Variants in RPTOR observed in about 807,000 individuals in gnomAD.
RPTOR encodes regulatory-associated protein of mTOR.
Under a neutral mutation model 169.9 loss-of-function variants are expected in RPTOR, and 21 were observed. That is an observed-to-expected ratio of 0.12 (90% CI 0.09 to 0.18). The LOEUF (loss-of-function observed/expected upper bound fraction) is 0.18. RPTOR is among the 10% of genes least tolerant of loss of function. The pLI is 1.00. For synonymous variants in RPTOR, 732 were observed against 753.2 expected (o/e 0.97, Z 0.46); for missense variants, 1,133 against 1,855.9 (o/e 0.61, Z 7.16).
Position 80,823,649 on chromosome 17 carries a change from A to T in RPTOR, c.1136+426A>T, listed in dbSNP as rs1241540175. On this transcript the variant is annotated intron_variant, in intron 9 of 33. Transcript: ENST00000306801. This position sits in a 1 kb window ranked among gnomAD's most constrained non-coding sequence, Gnocchi z 4.5. ...GTTTTTATGCTTATTTCTCACACAC[A>T]CACACACACACACACACACACACAC... 106 of 107,624 alleles carry T rather than the reference A, an allele frequency of 9.8e-4. No individual in the cohort carries two copies. Among genetic ancestry groups the T allele is most frequent in the African/African-American group, 3.9e-3 (97 of 24,954 alleles). 6.7% of individuals were successfully genotyped at this position (107,624 alleles called of 1,614,324 possible).
chr17:80,752,835 A>T (rs1206844969), intron 5 of RPTOR, among the ~76,000 whole-genome samples: 2 of 152,236 alleles, frequency 1.3e-5, no homozygotes, highest in African/African-American at 2.4e-5. Context: ...TTTAAAAAGA[A>T]GGAAGAGTTA....
At position 80,845,895 on chromosome 17, in the gene RPTOR, G is replaced by C. The variant is rs889104262; in HGVS notation, c.1213-578G>C. 6.6e-6 allele frequency among the ~76,000 whole-genome samples: 1 copy of C among 152,282 alleles called. No individual in the cohort carries two copies. Among genetic ancestry groups the C allele is most frequent in the East Asian group, 1.9e-4 (1 of 5,168 alleles). Reference sequence around the variant, plus strand: ...GGTGCTGGTTTGTGGCTCTGCCCTGGACGTTGCTCCCTGGCGTCCAGACCT... The same window carrying C: ...GGTGCTGGTTTGTGGCTCTGCCCTGCACGTTGCTCCCTGGCGTCCAGACCT... On this transcript the variant is annotated intron_variant, in intron 10 of 33. Transcript: ENST00000306801. This position sits in a 1 kb window ranked among gnomAD's most constrained non-coding sequence, Gnocchi z 5.4.
At chr17:80,929,928 T>C (rs759077209) in intron 24 of RPTOR, among the ~76,000 whole-genome samples, 6 of 152,146 alleles carry the variant, frequency 3.9e-5, no homozygotes, top group Non-Finnish European at 8.8e-5. Context: ...ATTCTTTATA[T>C]AAACCTGCAG....
chr17:80,573,264 G>A (rs1370349651), intron 1 of RPTOR, among the ~76,000 whole-genome samples: 1 of 152,128 alleles, frequency 6.6e-6, no homozygotes, highest in African/African-American at 2.4e-5. Context: ...CTTCATATAG[G>A]TTTAACAATT....
At chr17:80,925,584 A>C in intron 24 of RPTOR, 104 bp downstream of exon 24, 1 of 908,190 alleles carries the variant, frequency 1.1e-6, no homozygotes, top group Non-Finnish European at 1.8e-6. Flanking sequence ...GGAGCGTCCC[A>C]TTGTGGTCGT....
intron 28 of RPTOR, among the ~76,000 whole-genome samples, chr17:80,951,111 C>A (rs1233575143): frequency 6.6e-6 from 1 of 151,564 alleles, no homozygotes; most frequent in African/African-American, 2.4e-5. Flanking sequence ...TCCCTGAGAC[C>A]CCCCGGAAGC....
Position 80,860,319 on chromosome 17 carries a change from C to T in RPTOR, c.1509+2419C>T, listed in dbSNP as rs2067903791. 6.6e-6 allele frequency among the ~76,000 whole-genome samples: 1 copy of T among 152,216 alleles called. No homozygotes were observed. Among genetic ancestry groups the T allele is most frequent in the Non-Finnish European group, 1.5e-5 (1 of 68,022 alleles). On this transcript the variant is annotated intron_variant, in intron 13 of 33. Transcript: ENST00000306801. This position sits in a 1 kb window ranked among gnomAD's most constrained non-coding sequence, Gnocchi z 5.8. Reference sequence around the variant, plus strand: ...CTGTTGTCCAGGCACTGGCAGGCACCCCGAGCCACAGGCTCGTACCCCGCA... The same window carrying T: ...CTGTTGTCCAGGCACTGGCAGGCACTCCGAGCCACAGGCTCGTACCCCGCA...
chr17:80,742,611 A>G (rs533638099), intron 5 of RPTOR, among the ~76,000 whole-genome samples: 4 of 151,866 alleles, frequency 2.6e-5, no homozygotes, highest in East Asian at 3.9e-4. Context: ...CATAGATGCC[A>G]CACACATACA....
At chr17:80,903,289 G>A (rs2068499795) in intron 20 of RPTOR, among the ~76,000 whole-genome samples, 1 of 152,236 alleles carries the variant, frequency 6.6e-6, no homozygotes, top group Admixed American at 6.5e-5. Flanking sequence ...GATTCTGCGG[G>A]AGAGCTGGTG....
chr17:80,940,678 C>G, intron 25 of RPTOR, 77 bp downstream of exon 25: 3 of 1,198,940 alleles, frequency 2.5e-6, no homozygotes, highest in Non-Finnish European at 3.6e-6. Context: ...GTGAGCAGGC[C>G]CCCCGCGGCC....
chr17:80,914,555 C>T (rs1480246870), intron 21 of RPTOR, among the ~76,000 whole-genome samples: 2 of 152,362 alleles, frequency 1.3e-5, no homozygotes, highest in African/African-American at 2.4e-5. Context: ...TGCTCCCGCT[C>T]CCTGGCCTCT....
In RPTOR at chr17:80,759,428, C is replaced by T. The variant is rs776292751; in HGVS notation, c.830+5243C>T. On this transcript the variant is annotated intron_variant, in intron 6 of 33. Coordinates refer to ENST00000306801, the MANE Select transcript of RPTOR (RefSeq NM_020761.3). ...ACTGATACAGTTACCATAAGAGGGA[C>T]TTTGAAATCAATATGCCACAGTGGC... Among the ~76,000 whole-genome samples, 9 of 152,106 alleles carry T rather than the reference C, an allele frequency of 5.9e-5. 1 individual carries two copies. Among genetic ancestry groups the T allele is most frequent in the Non-Finnish European group, 1.3e-4 (9 of 68,020 alleles).
At position 80,721,531 on chromosome 17, in the gene RPTOR, G is replaced by C. The variant is rs1157213445; in HGVS notation, c.508-9029G>C. Among the ~76,000 whole-genome samples the C allele has an allele frequency of 2.6e-5, 4 of 151,426 alleles. No homozygotes were observed. In the East Asian group the frequency reaches 7.7e-4, roughly 29 times the overall value. ...GCAGCGGGCTCTCCTGGCTCACCCG[G>C]GGCCGTCAGGGCGCTGCAGTTTGCA... On this transcript the variant is annotated intron_variant, in intron 4 of 33. Transcript: ENST00000306801. This position sits in a 1 kb window ranked among gnomAD's most constrained non-coding sequence, Gnocchi z 4.7.
intron 4 of RPTOR, among the ~76,000 whole-genome samples, chr17:80,711,782 G>A (rs943613872): frequency 2.4e-5 from 2 of 84,994 alleles, no homozygotes; most frequent in Admixed American, 2.4e-4. Flanking sequence ...TCCCTCTGTC[G>A]CCAAGGCTGG....
chr17:80,923,558 G>A lies in RPTOR; in HGVS notation c.2693G>A (p.Ser898Asn), dbSNP rs780000343. Reference protein sequence around the residue: ...LTNDVAKQPVSRDLPSGRPGT... With the variant: ...LTNDVAKQPVNRDLPSGRPGT... The stretch of plus-strand genomic sequence containing the variant: ...AACGATGTGGCCAAGCAGCCGGTCA[G>A]CCGAGACTTGCCTTCTGGCCGGCCG... The change falls in exon 23 of 34, where the codon AGC becomes AAC. Residue 898 changes from serine (S) to asparagine (N), a missense_variant. Physicochemically the swap from Ser to Asn is conservative, Grantham distance 46 (BLOSUM62 1). This residue lies in a region of RPTOR where 123 missense variants were observed against 129.0 expected (regional missense o/e 0.95). Coordinates refer to ENST00000306801, the MANE Select transcript of RPTOR (RefSeq NM_020761.3). 2 of 1,613,520 alleles carry A rather than the reference G, an allele frequency of 1.2e-6. No homozygotes were observed. The highest frequency in any genetic ancestry group is 2.2e-5 in the East Asian group (1 of 44,880).
chr17:80,776,410 G>A (rs1368315360), intron 6 of RPTOR, among the ~76,000 whole-genome samples: 1 of 139,222 alleles, frequency 7.2e-6, no homozygotes, highest in East Asian at 2.1e-4. Context: ...TGCAAGTTCT[G>A]CCTCCTGGAT....
In RPTOR at chr17:80,677,180, C is replaced by T. The variant is rs577241676; in HGVS notation, c.349-30661C>T. Among the ~76,000 whole-genome samples, 5 of 152,256 alleles carry T rather than the reference C, an allele frequency of 3.3e-5. No individual in the cohort carries two copies. In the East Asian group the frequency reaches 9.6e-4, roughly 29 times the overall value. The stretch of plus-strand genomic sequence containing the variant: ...TTCTCATCTTTAGCAGTGAATATAC[C>T]TCTTTTTTAACTGCCATGTTAACGT... On this transcript the variant is annotated intron_variant, in intron 3 of 33. Transcript: ENST00000306801.
rs186939574 is a variant in RPTOR, at chr17:80,833,101, G to A, written c.1137-4821G>A. On this transcript the variant is annotated intron_variant, in intron 9 of 33. Coordinates refer to ENST00000306801, the MANE Select transcript of RPTOR (RefSeq NM_020761.3). ...TCTGCGGTAATAACCCGTGCTTTCC[G>A]TTCCCGGGGCGGGCGCGCTCTGACT... Among the ~76,000 whole-genome samples the A allele has an allele frequency of 4.9e-3, 200 of 40,576 alleles. 2 individuals carry two copies. Among genetic ancestry groups the A allele is most frequent in the African/African-American group, 2.0e-3 (11 of 5,432 alleles). 26.6% of individuals were successfully genotyped at this position (40,576 alleles called of 152,430 possible).
intron 1 of RPTOR, among the ~76,000 whole-genome samples, chr17:80,567,600 G>A (rs541956132): frequency 6.6e-6 from 1 of 151,684 alleles, no homozygotes; most frequent in Admixed American, 6.6e-5. Flanking sequence ...GACCAGCCTG[G>A]TCAACATGGT....
Sources: allele counts gnomAD v4.1 joint callset (sites outside exome capture counted in the v4.1 genomes callset), GRCh38; gene constraint gnomAD v4.1.1; regional missense constraint gnomAD v4.1.1; non-coding constraint Gnocchi (gnomAD v3.1); transcripts MANE v1.5; gene names NCBI Gene and HGNC (gene_info 2026-07-23, HGNC 2026-07-21).